The following PTPRB variants were observed in gnomAD, a reference collection of about 807,000 sequenced individuals.
PTPRB encodes receptor-type tyrosine-protein phosphatase beta.
A neutral mutation model predicts 238.1 loss-of-function variants in PTPRB; 97 were observed. The observed-to-expected ratio is 0.41, with a 90% CI of 0.35 to 0.48. The LOEUF (loss-of-function observed/expected upper bound fraction) is 0.48, where lower values mean the gene tolerates loss of function less well. Ranked by LOEUF, PTPRB falls within the 20% of genes least tolerant of loss-of-function variation. The pLI is 0.30. For synonymous variants in PTPRB, 970 were observed against 995.4 expected (o/e 0.97, Z 0.48); for missense variants, 2,292 against 2,681.9 (o/e 0.85, Z 3.21).
At chr12:70,597,028 C>T (rs1036641363) in intron 4 of PTPRB, among the ~76,000 whole-genome samples, 2 of 151,934 alleles carry the variant, frequency 1.3e-5, no homozygotes, top group Non-Finnish European at 2.9e-5. Context: ...AGCAATTCTT[C>T]TGCCTCAGTT....
At chr12:70,549,432 T>G (rs1322935992) in intron 21 of PTPRB, among the ~76,000 whole-genome samples, 1 of 152,204 alleles carries the variant, frequency 6.6e-6, no homozygotes, top group African/African-American at 2.4e-5. Flanking sequence ...TGATCTGCCC[T>G]TTCTCTTTCC....
intron 3 of PTPRB, among the ~76,000 whole-genome samples, chr12:70,615,378 GT>G (rs895520646): frequency 2.0e-5 from 3 of 152,078 alleles, no homozygotes; most frequent in African/African-American, 7.2e-5. Flanking sequence ...CAAGGGAGGG[GT>G]GGGAGTGCCG....
At chr12:70,562,271 G>A (rs1296911815) in intron 16 of PTPRB, among the ~76,000 whole-genome samples, 1 of 151,924 alleles carries the variant, frequency 6.6e-6, no homozygotes, top group Non-Finnish European at 1.5e-5. Flanking sequence ...GCAACAGAGT[G>A]AGAACTCGTC....
At position 70,622,737 on chromosome 12, in the gene PTPRB, T is replaced by C. The variant is rs878937908; in HGVS notation, c.452-91A>G. ...AATTTTACTTAGCAAAAGAGGGCCT[T>C]TTCAATAATGGGCATGTGGATAAGC... On this transcript the variant is annotated intron_variant, in intron 2 of 33. Coordinates refer to ENST00000334414, the MANE Select transcript of PTPRB (RefSeq NM_001109754.4). The C allele has an allele frequency of 1.6e-5, 22 of 1,388,600 alleles. 1 individual carries two copies. In the South Asian group the frequency reaches 2.7e-4, roughly 17 times the overall value. The allele number at this position is 1,388,600 out of a possible 1,614,324, so 86.0% of individuals were successfully genotyped here.
At position 70,571,041 on chromosome 12, in the gene PTPRB, T is replaced by C. The variant is rs772278658; in HGVS notation, c.3355A>G (p.Ile1119Val). 1.2e-6 allele frequency: 2 copies of C among 1,613,982 alleles called. No homozygotes were observed. The highest frequency in any genetic ancestry group is 2.2e-5 in the East Asian group (1 of 44,878). ...TTCACATTACCTGTGAAGCCCTCAA[T>C]GAAGGCTGACTGCTGTACATCCCCG... ...ISGDVQQSAF[I>V]EGFTVPSAVK... The change falls in exon 13 of 34, where the codon ATT becomes GTT. Residue 1119 changes from isoleucine to valine, a missense_variant. Ile to Val is a conservative substitution (Grantham distance 29, BLOSUM62 3). This residue lies in a region of PTPRB where 683 missense variants were observed against 862.0 expected (regional missense o/e 0.79). Transcript: ENST00000334414.
At chr12:70,561,104 T>C (rs1016802874) in intron 16 of PTPRB, among the ~76,000 whole-genome samples, 170 bp from the exon 17 acceptor site, 2 of 152,206 alleles carry the variant, frequency 1.3e-5, no homozygotes, top group East Asian at 1.9e-4. Flanking sequence ...ACTAGAGATA[T>C]GGTATAAATT....
chr12:70,592,440 G>T lies in PTPRB; in HGVS notation c.1622C>A (p.Thr541Asn). ...PPGNVDSYNI[T>N]LSHKGTIKES... Reference sequence around the variant, plus strand: ...CTTGATGGTCCCTTTGTGAGACAGGGTGATATTGTAAGAATCCACATTTCC... The same window carrying T: ...CTTGATGGTCCCTTTGTGAGACAGGTTGATATTGTAAGAATCCACATTTCC... The change falls in exon 7 of 34, where the codon ACC (threonine) becomes AAC (asparagine). Residue 541 changes from threonine (T) to asparagine (N), a missense_variant. This residue lies in a region of PTPRB where 1,205 missense variants were observed against 1,287.8 expected (regional missense o/e 0.94). Transcript: ENST00000334414. 1 of 1,613,892 alleles carries T rather than the reference G, an allele frequency of 6.2e-7. No homozygotes were observed. Among genetic ancestry groups the T allele is most frequent in the Non-Finnish European group, 8.5e-7 (1 of 1,179,806 alleles).
At chr12:70,550,236 C>G (rs1876680552) in intron 21 of PTPRB, among the ~76,000 whole-genome samples, 1 of 152,068 alleles carries the variant, frequency 6.6e-6, no homozygotes, top group African/African-American at 2.4e-5. Flanking sequence ...ATTCGCCAGC[C>G]AGATAAGAGC....
At position 70,555,381 on chromosome 12, in the gene PTPRB, G is replaced by A; in HGVS notation, c.4994-72C>T. ...TTTCACAGCATAAACAACAGTTAGTGAAATGAAGGATTCTGCTCTCCTGCA... is the reference window on the plus strand; with the variant it reads ...TTTCACAGCATAAACAACAGTTAGTAAAATGAAGGATTCTGCTCTCCTGCA... On this transcript the variant is annotated intron_variant, in intron 19 of 33. Transcript: ENST00000334414. 3 of 1,383,378 alleles carry A rather than the reference G, an allele frequency of 2.2e-6. No homozygotes were observed. In the South Asian group the frequency reaches 3.9e-5, roughly 18 times the overall value. The allele number at this position is 1,383,378 out of a possible 1,614,324, so 85.7% of individuals were successfully genotyped here.
At chr12:70,556,184 T>A in intron 18 of PTPRB, 36 bp from the exon 19 acceptor site, 1 of 1,549,474 alleles carries the variant, frequency 6.5e-7, no homozygotes, top group Admixed American at 2.0e-5. Context: ...TTTTCAGAAC[T>A]CAGGGAGAAT....
chr12:70,537,111 C>T (rs199802314), intron 28 of PTPRB, among the ~76,000 whole-genome samples: 3 of 151,886 alleles, frequency 2.0e-5, no homozygotes, highest in East Asian at 3.9e-4. Flanking sequence ...GGTGAAACCC[C>T]GTCTCTACTA....
intron 11 of PTPRB, among the ~76,000 whole-genome samples, chr12:70,575,568 C>T (rs1242730551): frequency 6.6e-6 from 1 of 152,120 alleles, no homozygotes; most frequent in East Asian, 1.9e-4. Context: ...GCCTACTAAG[C>T]CCCAGGTCCT....
rs141438544 is a variant in PTPRB at position 70,551,686 on chromosome 12, T to C, written c.5387+1091A>G. 1.4e-4 allele frequency among the ~76,000 whole-genome samples: 22 copies of C among 152,260 alleles called. No individual in the cohort carries two copies. In the East Asian group the frequency reaches 3.9e-3, roughly 27 times the overall value. ...GCCATATTGGTTAGGTATCAGCTCT[T>C]CCAACACCCAACAGAGAAGGTACAT... is the stretch of plus-strand genomic sequence containing the variant. On this transcript the variant is annotated intron_variant, in intron 21 of 33. Coordinates refer to ENST00000334414, the MANE Select transcript of PTPRB (RefSeq NM_001109754.4).
At chr12:70,569,995 T>C in intron 13 of PTPRB, 57 bp from the exon 14 acceptor site, 1 of 1,478,270 alleles carries the variant, frequency 6.8e-7, no homozygotes, top group African/African-American at 1.4e-5. Context: ...GTTGAAATTT[T>C]CAAACAAAGT....
At chr12:70,532,983 T>G (rs559971100) in intron 31 of PTPRB, among the ~76,000 whole-genome samples, 3 of 152,254 alleles carry the variant, frequency 2.0e-5, no homozygotes, top group South Asian at 4.1e-4. Context: ...CATAAACCAC[T>G]GCTAATCCAG....
rs1555234327 is a variant in PTPRB at position 70,596,355 on chromosome 12, A to ACACACACACAC, written c.980-29_980-28insGTGTGTGTGTG. ...GCAAGGCAAATACACACACACACACAAAAAAAAAAAAGAAAGAAAAAGAAA... is the reference window on the plus strand; with the variant it reads ...GCAAGGCAAATACACACACACACACACACACACACACAAAAAAAAAAAGAAAGAAAAAGAAA... On this transcript the variant is annotated intron_variant, in intron 4 of 33. Coordinates refer to ENST00000334414, the MANE Select transcript of PTPRB (RefSeq NM_001109754.4). 6.2e-4 allele frequency: 574 copies of ACACACACACAC among 926,562 alleles called. 11 individuals are homozygous for ACACACACACAC. The African/African-American group carries it at 0.014, about 22-fold the overall frequency. 57.4% of individuals were successfully genotyped at this position (926,562 alleles called of 1,614,324 possible).
intron 8 of PTPRB, among the ~76,000 whole-genome samples, chr12:70,588,924 G>T (rs1171860739): frequency 1.3e-5 from 2 of 152,140 alleles, no homozygotes; most frequent in Non-Finnish European, 2.9e-5. Flanking sequence ...CTGCACTCCA[G>T]CCTAGGCCTG....
chr12:70,579,011 G>A (rs1044152309), intron 10 of PTPRB, among the ~76,000 whole-genome samples: 1 of 152,148 alleles, frequency 6.6e-6, no homozygotes, highest in Non-Finnish European at 1.5e-5. Context: ...CAGCAAAGAA[G>A]AGCCACTGAT....
intron 4 of PTPRB, among the ~76,000 whole-genome samples, chr12:70,607,478 G>T (rs1391563572): frequency 1.3e-5 from 2 of 151,462 alleles, no homozygotes; most frequent in Non-Finnish European, 2.9e-5. Context: ...TTTGTAAAAT[G>T]TTCTAATTAT....
Sources: gnomAD v4.1 joint callset for allele counts (sites outside exome capture counted in the v4.1 genomes callset) on GRCh38, gnomAD v4.1.1 for gene constraint, gnomAD v4.1.1 regional missense constraint, MANE v1.5 for transcripts, NCBI Gene and HGNC (gene_info 2026-07-23, HGNC 2026-07-21) for gene names.